Variants in RUNX2 observed in about 807,000 individuals in gnomAD.
RUNX2 encodes the protein runt-related transcription factor 2.
RUNX2 carries 10 observed loss-of-function variants against 51.7 expected under a neutral mutation model. That is an observed-to-expected ratio of 0.19 (90% CI 0.12 to 0.33). The LOEUF (loss-of-function observed/expected upper bound fraction) is 0.33, where lower values mean the gene tolerates loss of function less well. Among genes scored for constraint, RUNX2 ranks in the 10% least tolerant of loss-of-function variants. RUNX2 has a pLI of 1.00. For synonymous variants in RUNX2, 276 were observed against 273.6 expected (o/e 1.01, Z -0.09); for missense variants, 562 against 691.3 (o/e 0.81, Z 2.10).
chr6:45,486,250 A>C (rs1800279868), intron 5 of RUNX2, among the ~76,000 whole-genome samples: 1 of 152,134 alleles, frequency 6.6e-6, no homozygotes, highest in Admixed American at 6.6e-5. Context: ...GCCTCTCTTC[A>C]GTTATATTTA....
At chr6:45,529,682 A>G (rs1306163179) in intron 7 of RUNX2, among the ~76,000 whole-genome samples, 1 of 152,034 alleles carries the variant, frequency 6.6e-6, no homozygotes, top group African/African-American at 2.4e-5. Context: ...TGTAATGTGA[A>G]TTTTCTCACT....
chr6:45,439,225 T>A (rs1798774316), intron 5 of RUNX2, among the ~76,000 whole-genome samples: 1 of 152,194 alleles, frequency 6.6e-6, no homozygotes, highest in Non-Finnish European at 1.5e-5. Flanking sequence ...AGGTTTTTGT[T>A]TTCTTCTCCT....
intron 2 of RUNX2, among the ~76,000 whole-genome samples, chr6:45,373,430 T>C (rs1249857657): frequency 2.6e-5 from 4 of 152,122 alleles, no homozygotes; most frequent in African/African-American, 9.7e-5. Context: ...AAGGAACACA[T>C]CAAGTGCCCA....
At chr6:45,341,288 A>C (rs944023031) in intron 2 of RUNX2, among the ~76,000 whole-genome samples, 2 of 152,198 alleles carry the variant, frequency 1.3e-5, no homozygotes, top group African/African-American at 4.8e-5. Flanking sequence ...GCTGATTAGA[A>C]ACCATAGGTT....
At position 45,491,977 on chromosome 6, in the gene RUNX2, T is replaced by C. The variant is rs1800490025; in HGVS notation, c.722T>C (p.Leu241Ser). The C allele has an allele frequency of 6.2e-7, 1 of 1,613,872 alleles. No homozygotes were observed. The highest frequency in any genetic ancestry group is 1.7e-5 in the Admixed American group (1 of 59,996). ...AAGCTTGATGACTCTAAACCTAGTTTGTTCTCTGACCGCCTCAGTGATTTA... is the reference window on the plus strand; with the variant it reads ...AAGCTTGATGACTCTAAACCTAGTTCGTTCTCTGACCGCCTCAGTGATTTA... ...RQKLDDSKPS[L>S]FSDRLSDLGR... is the part of the protein sequence containing the mutation. The change falls in exon 6 of 9, where the codon TTG (leucine) becomes TCG (serine). Residue 241 changes from leucine (L) to serine (S), a missense_variant. By Grantham distance (145) the Leu-to-Ser change is moderately radical. Around this residue, in one of 5 missense-constraint regions of RUNX2, gnomAD observed 37 missense variants for 66.5 expected, o/e 0.56. Coordinates refer to ENST00000647337, the MANE Select transcript of RUNX2 (RefSeq NM_001024630.4).
intron 6 of RUNX2, among the ~76,000 whole-genome samples, chr6:45,507,490 A>G (rs1341317671): frequency 6.6e-6 from 1 of 152,176 alleles, no homozygotes; most frequent in African/African-American, 2.4e-5. Context: ...TTCCTCTACT[A>G]TAAGCACTAA....
At chr6:45,335,909 A>G (rs1047543813) in intron 2 of RUNX2, among the ~76,000 whole-genome samples, 17 of 151,372 alleles carry the variant, frequency 1.1e-4, no homozygotes, top group Non-Finnish European at 1.8e-4. Flanking sequence ...TACTGCTCTT[A>G]TAAGAGTCAA....
intron 2 of RUNX2, among the ~76,000 whole-genome samples, chr6:45,350,938 T>A (rs1791878260): frequency 6.6e-6 from 1 of 152,076 alleles, no homozygotes; most frequent in South Asian, 2.1e-4. Context: ...CAGCTCTACC[T>A]CGTGTCAGAT....
intron 2 of RUNX2, among the ~76,000 whole-genome samples, chr6:45,409,618 G>A (rs553185906): frequency 7.9e-4 from 120 of 152,156 alleles, no homozygotes; most frequent in African/African-American, 2.9e-3. Context: ...TTCCCAACAA[G>A]ATGTAAGAAA....
At chr6:45,526,828 T>C (rs1335285683) in intron 7 of RUNX2, among the ~76,000 whole-genome samples, 1 of 152,180 alleles carries the variant, frequency 6.6e-6, no homozygotes, top group Non-Finnish European at 1.5e-5. Context: ...TACCTCAATT[T>C]CCGCATCAGT....
chr6:45,387,131 A>T (rs1797366774), intron 2 of RUNX2, among the ~76,000 whole-genome samples: 1 of 152,182 alleles, frequency 6.6e-6, no homozygotes, highest in Non-Finnish European at 1.5e-5. Context: ...GGATAGAAGT[A>T]AGGCAAAGAA....
intron 2 of RUNX2, among the ~76,000 whole-genome samples, chr6:45,411,690 T>C (rs924204820): frequency 2.0e-5 from 3 of 152,186 alleles, no homozygotes; most frequent in Non-Finnish European, 2.9e-5. Context: ...GAAGCCATAA[T>C]TTAATTATGA....
At chr6:45,532,162 A>ATTTTTTT (rs3055521) in intron 7 of RUNX2, among the ~76,000 whole-genome samples, 10 of 85,126 alleles carry the variant, frequency 1.2e-4, no homozygotes, top group Non-Finnish European at 1.8e-4. Context: ...GAAAACCTAG[A>ATTTTTTT]TTTTTTTTTT....
At chr6:45,388,786 C>G (rs930513658) in intron 2 of RUNX2, among the ~76,000 whole-genome samples, 1 of 152,074 alleles carries the variant, frequency 6.6e-6, no homozygotes, top group Non-Finnish European at 1.5e-5. Flanking sequence ...AAAATCTAAA[C>G]CAAGAGATTT....
chr6:45,525,590 G>A (rs907014079), intron 7 of RUNX2, among the ~76,000 whole-genome samples: 1 of 152,124 alleles, frequency 6.6e-6, no homozygotes, highest in Non-Finnish European at 1.5e-5. Flanking sequence ...AGTTAATTGG[G>A]CTAGTTTTTC....
rs150374437 is a variant in RUNX2, at chr6:45,534,735, C to T, written c.1022-10482C>T. On this transcript the variant is annotated intron_variant, in intron 7 of 8. Transcript: ENST00000647337. Reference sequence around the variant, plus strand: ...GTACAGACAGAAGGCAGATGACACACACAAATTTCAGTGAAAGACAAGGAT... The same window carrying T: ...GTACAGACAGAAGGCAGATGACACATACAAATTTCAGTGAAAGACAAGGAT... Among the ~76,000 whole-genome samples, 32 of 152,324 alleles carry T rather than the reference C, an allele frequency of 2.1e-4. No homozygotes were observed. In the East Asian group the frequency reaches 3.9e-3, roughly 18 times the overall value.
At chr6:45,376,940 TTAACA>T (rs1332267531) in intron 2 of RUNX2, among the ~76,000 whole-genome samples, 1 of 152,062 alleles carries the variant, frequency 6.6e-6, no homozygotes, top group Non-Finnish European at 1.5e-5. Context: ...CCGAAATAAC[TTAACA>T]TTTCTATTAG....
intron 5 of RUNX2, among the ~76,000 whole-genome samples, chr6:45,479,291 G>A (rs1341240987): frequency 1.3e-5 from 2 of 152,060 alleles, no homozygotes; most frequent in South Asian, 2.1e-4. Flanking sequence ...TAGGTTCTTC[G>A]GTATGTATCA....
chr6:45,489,797 T>C (rs1448257012), intron 5 of RUNX2, among the ~76,000 whole-genome samples: 3 of 152,190 alleles, frequency 2.0e-5, no homozygotes, highest in Admixed American at 2.0e-4. Flanking sequence ...CCCAGCAAGA[T>C]GTATTGATGG....
Sources: gnomAD v4.1 joint callset for allele counts (sites outside exome capture counted in the v4.1 genomes callset) on GRCh38, gnomAD v4.1.1 for gene constraint, gnomAD v4.1.1 regional missense constraint, MANE v1.5 for transcripts, NCBI Gene and HGNC (gene_info 2026-07-23, HGNC 2026-07-21) for gene names.